The following TGM6 variants were observed in gnomAD, a reference collection of about 807,000 sequenced individuals.
TGM6 encodes protein-glutamine gamma-glutamyltransferase 6.
A neutral mutation model predicts 77.5 loss-of-function variants in TGM6; 74 were observed. The observed-to-expected ratio is 0.96, with a 90% CI of 0.79 to 1.16. The LOEUF (loss-of-function observed/expected upper bound fraction) is 1.16, where lower values mean the gene tolerates loss of function less well. Ranked by LOEUF, TGM6 falls within the 50% of genes most tolerant of loss-of-function variation. TGM6 has a pLI of 0.00. For missense variants in TGM6, 968 were observed against 940.2 expected, an observed-to-expected ratio of 1.03 and a Z score of -0.39; for synonymous variants, 383 against 378.9, an observed-to-expected ratio of 1.01 and a Z score of -0.12.
chr20:2,430,536 T>C lies in TGM6; in HGVS notation c.1769T>C (p.Val590Ala). 3 of 1,614,218 alleles carry C rather than the reference T, an allele frequency of 1.9e-6. No homozygotes were observed. Among genetic ancestry groups the C allele is most frequent in the Non-Finnish European group, 2.5e-6 (3 of 1,180,040 alleles). ...KKILLAAMCL[V>A]TKGEKLLVEK... ...ATCCTGTTGGCTGCCATGTGCCTTG[T>C]CACCAAAGGAGAGAAGCTTCTGGTG... Residue 590 changes from valine (V) to alanine (A), a missense_variant, in exon 11 of 13, where the codon GTC becomes GCC. Physicochemically the swap from Val to Ala is moderately conservative, Grantham distance 64. Coordinates refer to ENST00000202625, the MANE Select transcript of TGM6 (RefSeq NM_198994.3).
At chr20:2,423,401 AACG>A (rs796216793) in intron 10 of TGM6, among the ~76,000 whole-genome samples, 10 of 152,282 alleles carry the variant, frequency 6.6e-5, no homozygotes, top group African/African-American at 2.4e-4. Flanking sequence ...CCATTTCAAC[AACG>A]TTTAGAGCAT....
intron 7 of TGM6, among the ~76,000 whole-genome samples, chr20:2,400,736 G>T (rs115551429): frequency 6.6e-6 from 1 of 151,028 alleles, no homozygotes; most frequent in African/African-American, 2.4e-5. Context: ...CTGGGGTGGG[G>T]TGGGGTGGGA....
chr20:2,431,778 G>C (rs763016262), intron 12 of TGM6, among the ~76,000 whole-genome samples: 1 of 152,218 alleles, frequency 6.6e-6, no homozygotes, highest in East Asian at 1.9e-4. Context: ...AGATTTTCAG[G>C]TATCAAGAAG....
chr20:2,388,774 G>T (rs1482451024), intron 1 of TGM6, among the ~76,000 whole-genome samples: 1 of 152,108 alleles, frequency 6.6e-6, no homozygotes, highest in Non-Finnish European at 1.5e-5. Context: ...TTCATAGGAA[G>T]ATTTATTAAA....
At chr20:2,393,807 G>A (rs1325982289) in intron 1 of TGM6, among the ~76,000 whole-genome samples, 4 of 152,020 alleles carry the variant, frequency 2.6e-5, no homozygotes, top group Admixed American at 6.6e-5. Context: ...GATTCCAGGC[G>A]CGAGCCACCA....
intron 1 of TGM6, among the ~76,000 whole-genome samples, chr20:2,385,819 C>A (rs116821573): frequency 0.015 from 2,216 of 152,302 alleles, 45 homozygotes; most frequent in African/African-American, 0.05. Flanking sequence ...ATTCATCCAA[C>A]CAACATTCAC....
At chr20:2,387,297 A>C (rs1028716640) in intron 1 of TGM6, among the ~76,000 whole-genome samples, 6 of 152,194 alleles carry the variant, frequency 3.9e-5, no homozygotes, top group African/African-American at 1.4e-4. Context: ...GACTGGGGCT[A>C]ACTTGATGTG....
chr20:2,393,189 G>T (rs987622516), intron 1 of TGM6, among the ~76,000 whole-genome samples: 2 of 152,256 alleles, frequency 1.3e-5, no homozygotes, highest in Non-Finnish European at 2.9e-5. Context: ...GACATGCACA[G>T]AGTGCGGAAA....
chr20:2,395,661 G>T (rs2084660259), intron 3 of TGM6, among the ~76,000 whole-genome samples: 1 of 152,190 alleles, frequency 6.6e-6, no homozygotes, highest in Non-Finnish European at 1.5e-5. Context: ...AGGCCCAGGG[G>T]TGGGTAAGAG....
intron 10 of TGM6, among the ~76,000 whole-genome samples, chr20:2,423,221 G>C (rs146054862): frequency 6.6e-6 from 1 of 151,862 alleles, no homozygotes; most frequent in South Asian, 2.1e-4. Context: ...AACGAAATTC[G>C]CCACATTGAA....
At chr20:2,388,216 C>T (rs999461423) in intron 1 of TGM6, among the ~76,000 whole-genome samples, 4 of 152,184 alleles carry the variant, frequency 2.6e-5, no homozygotes, top group African/African-American at 9.7e-5. Flanking sequence ...TTTGGAAAAT[C>T]AATCTGCCAC....
chr20:2,389,858 C>T (rs746062864), intron 1 of TGM6, among the ~76,000 whole-genome samples: 3 of 152,178 alleles, frequency 2.0e-5, no homozygotes, highest in Non-Finnish European at 4.4e-5. Flanking sequence ...AAGCCACTTA[C>T]TGGTCTCGAT....
At chr20:2,395,933 C>A (rs558593353) in intron 3 of TGM6, among the ~76,000 whole-genome samples, 44 of 152,210 alleles carry the variant, frequency 2.9e-4, no homozygotes, top group Non-Finnish European at 3.8e-4. Flanking sequence ...GTAACCCCAG[C>A]ACTTTGGGAT....
chr20:2,418,958 T>TC (rs2084837774), intron 10 of TGM6, among the ~76,000 whole-genome samples: 1 of 152,176 alleles, frequency 6.6e-6, no homozygotes, highest in Non-Finnish European at 1.5e-5. Flanking sequence ...ACGCCTGTAG[T>TC]CCCAGCTACT....
At position 2,399,580 on chromosome 20, in the gene TGM6, G is replaced by C. The variant is rs1311548530; in HGVS notation, c.692G>C (p.Arg231Pro). 1 of 1,613,020 alleles carries C rather than the reference G, an allele frequency of 6.2e-7. No homozygotes were observed. Residue 231 changes from arginine (R) to proline (P), a missense_variant, in exon 6 of 13, where the codon CGA becomes CCA. Coordinates refer to ENST00000202625, the MANE Select transcript of TGM6 (RefSeq NM_198994.3). ...GCCCAGGTGAACAGCAACAACGACCGAGGTGTGGTGCAAGGACAGTGGCAG... is the reference window on the plus strand; with the variant it reads ...GCCCAGGTGAACAGCAACAACGACCCAGGTGTGGTGCAAGGACAGTGGCAG... ...ISAMVNSNND[R>P]GVVQGQWQGK...
At position 2,395,254 on chromosome 20, in the gene TGM6, G is replaced by A. The variant is rs767210657; in HGVS notation, c.242G>A (p.Arg81Gln). The A allele has an allele frequency of 3.6e-5, 58 of 1,613,944 alleles. No individual in the cohort carries two copies. Among genetic ancestry groups the A allele is most frequent in the Middle Eastern group, 3.3e-4 (2 of 6,084 alleles). The change falls in exon 3 of 13, where the codon CGG (arginine) becomes CAG (glutamine). Residue 81 changes from arginine (R) to glutamine (Q), a missense_variant. Coordinates refer to ENST00000202625, the MANE Select transcript of TGM6 (RefSeq NM_198994.3). ...GTGTTCCAGACATCGGAGCTGGAGC[G>A]GGGTGAGGGCTGGACAGCAGCAAGG... ...KAVFQTSELE[R>Q]GEGWTAAREA...
rs144510408 is a variant in TGM6, at chr20:2,410,828, C to T, written c.1337-6404C>T. ...TATTAGGGGATACTATGAGCAACTG[C>T]GTGACAACATATTAGATAACTTTAG... On this transcript the variant is annotated intron_variant, in intron 9 of 12. Coordinates refer to ENST00000202625, the MANE Select transcript of TGM6 (RefSeq NM_198994.3). Among the ~76,000 whole-genome samples, 29 of 152,160 alleles carry T rather than the reference C, an allele frequency of 1.9e-4. No homozygotes were observed. The East Asian group carries it at 4.2e-3, about 22-fold the overall frequency.
intron 7 of TGM6, among the ~76,000 whole-genome samples, chr20:2,401,185 G>A (rs1363428341): frequency 6.8e-6 from 1 of 147,872 alleles, no homozygotes; most frequent in Non-Finnish European, 1.5e-5. Flanking sequence ...TCCAGCCTGG[G>A]TGACAGAGTG....
At chr20:2,427,387 C>T (rs965280203) in intron 10 of TGM6, among the ~76,000 whole-genome samples, 1 of 152,056 alleles carries the variant, frequency 6.6e-6, no homozygotes, top group Non-Finnish European at 1.5e-5. Flanking sequence ...TAGAGATGTC[C>T]TCTCTTGCAT....
Sources: gnomAD v4.1 joint callset for allele counts (sites outside exome capture counted in the v4.1 genomes callset) on GRCh38, gnomAD v4.1.1 for gene constraint, MANE v1.5 for transcripts, NCBI Gene and HGNC (gene_info 2026-07-23, HGNC 2026-07-21) for gene names.